The following GRM7 variants were observed in gnomAD, a reference collection of about 807,000 sequenced individuals.
GRM7 encodes the protein metabotropic glutamate receptor 7.
Under a neutral mutation model 84.5 loss-of-function variants are expected in GRM7, and 35 were observed. That is an observed-to-expected ratio of 0.41 (90% CI 0.32 to 0.55). The LOEUF is 0.55. Ranked by LOEUF, GRM7 falls within the 20% of genes least tolerant of loss-of-function variation. The probability of loss-of-function intolerance (pLI) is 0.19; values close to 1 mark genes in which losing one functional copy is unlikely to be tolerated. For synonymous variants in GRM7, 487 were observed against 455.1 expected (o/e 1.07, Z -0.89); for missense variants, 1,003 against 1,194.6 (o/e 0.84, Z 2.36).
intron 8 of GRM7, among the ~76,000 whole-genome samples, chr3:7,585,864 T>C (rs1695494030): frequency 6.6e-6 from 1 of 152,176 alleles, no homozygotes; most frequent in Admixed American, 6.5e-5. Flanking sequence ...GGTGTGCTGA[T>C]GGGCAGTCAG....
At chr3:7,297,040 C>CT (rs918511504) in intron 2 of GRM7, among the ~76,000 whole-genome samples, 17 of 151,460 alleles carry the variant, frequency 1.1e-4, no homozygotes, top group African/African-American at 2.9e-4. Flanking sequence ...GTGCTTTCTG[C>CT]TTTTTTTTGG....
At chr3:7,086,218 CT>C (rs759082771) in intron 1 of GRM7, among the ~76,000 whole-genome samples, 2 of 151,996 alleles carry the variant, frequency 1.3e-5, no homozygotes, top group Non-Finnish European at 2.9e-5. Context: ...TTTGAAGTTG[CT>C]TGCGTTTTGA....
At chr3:7,530,401 C>A (rs1700991092) in intron 7 of GRM7, among the ~76,000 whole-genome samples, 1 of 152,120 alleles carries the variant, frequency 6.6e-6, no homozygotes, top group African/African-American at 2.4e-5. Flanking sequence ...CTGCAATAAA[C>A]AAATGTGTGC....
At position 6,940,437 on chromosome 3, in the gene GRM7, T is replaced by G. The variant is rs575796107; in HGVS notation, c.519+78530T>G. 2.0e-5 allele frequency among the ~76,000 whole-genome samples: 3 copies of G among 152,258 alleles called. No homozygotes were observed. In the East Asian group the frequency reaches 5.8e-4, roughly 29 times the overall value. The stretch of plus-strand genomic sequence containing the variant: ...TTTGTTCTTACTCAACAAACATAAG[T>G]TTTTCTATCAGATCTTATGCTTTAA... On this transcript the variant is annotated intron_variant, in intron 1 of 9. Coordinates refer to ENST00000357716, the MANE Select transcript of GRM7 (RefSeq NM_000844.4).
intron 4 of GRM7, among the ~76,000 whole-genome samples, chr3:7,376,366 C>T (rs1694350642): frequency 6.6e-6 from 1 of 152,174 alleles, no homozygotes; most frequent in Non-Finnish European, 1.5e-5. Context: ...GAGCTGTTCT[C>T]CTCGTGAATG....
At chr3:7,577,667 G>A (rs1695031600) in intron 7 of GRM7, among the ~76,000 whole-genome samples, 1 of 152,110 alleles carries the variant, frequency 6.6e-6, no homozygotes, top group Non-Finnish European at 1.5e-5. Context: ...TCTTCTCTAG[G>A]ATAGTCTAAA....
rs926240441 is a variant in GRM7, at chr3:7,108,444, A to G, written c.520-38008A>G. Among the ~76,000 whole-genome samples the G allele has an allele frequency of 2.0e-5, 3 of 152,056 alleles. 1 individual carries two copies. The highest frequency in any genetic ancestry group is 2.0e-4 in the Admixed American group (3 of 15,248). ...AACCAGTGATCTTGTATTTCCTTAAAAGCAGGTGCTTGCTTCAACTGTGAC... is the reference window on the plus strand; with the variant it reads ...AACCAGTGATCTTGTATTTCCTTAAGAGCAGGTGCTTGCTTCAACTGTGAC... On this transcript the variant is annotated intron_variant, in intron 1 of 9. Coordinates refer to ENST00000357716, the MANE Select transcript of GRM7 (RefSeq NM_000844.4).
At chr3:7,256,503 C>T (rs1029641438) in intron 2 of GRM7, among the ~76,000 whole-genome samples, 1 of 152,146 alleles carries the variant, frequency 6.6e-6, no homozygotes, top group African/African-American at 2.4e-5. Flanking sequence ...ATCTGTGTGG[C>T]TTTCTGTTAT....
intron 1 of GRM7, among the ~76,000 whole-genome samples, chr3:7,144,455 A>G (rs1694045641): frequency 6.6e-6 from 1 of 152,218 alleles, no homozygotes; most frequent in Non-Finnish European, 1.5e-5. Flanking sequence ...TGAAAGGAAT[A>G]TGTAAAAACA....
At chr3:6,876,526 A>C (rs1270641468) in intron 1 of GRM7, among the ~76,000 whole-genome samples, 1 of 150,702 alleles carries the variant, frequency 6.6e-6, no homozygotes, top group African/African-American at 2.4e-5. Context: ...CTATATACTC[A>C]TGTTAAAATA....
Position 7,274,778 on chromosome 3 carries a change from C to T in GRM7, c.737-23906C>T, listed in dbSNP as rs551088748. On this transcript the variant is annotated intron_variant, in intron 2 of 9. Coordinates refer to ENST00000357716, the MANE Select transcript of GRM7 (RefSeq NM_000844.4). ...TGTTGTTGTTGTTGTTTTGTATTGT[C>T]ATTTTTTCTGGTTGGTGTTTAAGCT... Among the ~76,000 whole-genome samples, 7 of 151,988 alleles carry T rather than the reference C, an allele frequency of 4.6e-5. 1 individual carries two copies. The South Asian group carries it at 1.2e-3, about 27-fold the overall frequency.
At chr3:7,533,424 A>C (rs900458217) in intron 7 of GRM7, among the ~76,000 whole-genome samples, 2 of 152,202 alleles carry the variant, frequency 1.3e-5, no homozygotes, top group Admixed American at 6.5e-5. Flanking sequence ...TTAAGGCAGA[A>C]ATAAATAAGT....
At chr3:7,037,753 A>G (rs952614017) in intron 1 of GRM7, among the ~76,000 whole-genome samples, 1 of 152,210 alleles carries the variant, frequency 6.6e-6, no homozygotes, top group African/African-American at 2.4e-5. Context: ...CTCAAGAAAT[A>G]GAACCTGTTA....
At chr3:7,547,827 A>G (rs1054987616) in intron 7 of GRM7, among the ~76,000 whole-genome samples, 1 of 152,242 alleles carries the variant, frequency 6.6e-6, no homozygotes, top group Non-Finnish European at 1.5e-5. Context: ...CTAATCTATC[A>G]TCATAAGAAG....
intron 1 of GRM7, among the ~76,000 whole-genome samples, chr3:6,913,446 A>G (rs565735522): frequency 6.6e-6 from 1 of 152,306 alleles, no homozygotes; most frequent in African/African-American, 2.4e-5. Context: ...TAAAATTGTG[A>G]GGATGTGAAT....
At chr3:7,490,057 T>C (rs1403945311) in intron 7 of GRM7, among the ~76,000 whole-genome samples, 2 of 152,014 alleles carry the variant, frequency 1.3e-5, no homozygotes, top group African/African-American at 4.8e-5. Context: ...CTAAAAATTC[T>C]CGAACACTTA....
chr3:7,076,462 T>A (rs1698082406), intron 1 of GRM7, among the ~76,000 whole-genome samples: 1 of 152,174 alleles, frequency 6.6e-6, no homozygotes, highest in Non-Finnish European at 1.5e-5. Context: ...TTCCCCTGCT[T>A]TCCTGTCTCT....
At chr3:7,165,337 G>A (rs1403462931) in intron 2 of GRM7, among the ~76,000 whole-genome samples, 1 of 152,166 alleles carries the variant, frequency 6.6e-6, no homozygotes, top group Non-Finnish European at 1.5e-5. Context: ...CCCCTGGTGG[G>A]CTGTGTATGA....
intron 1 of GRM7, among the ~76,000 whole-genome samples, chr3:6,879,000 G>T (rs1207708344): frequency 6.6e-6 from 1 of 152,152 alleles, no homozygotes; most frequent in African/African-American, 2.4e-5. Flanking sequence ...CATGAAAGAT[G>T]AGTTTACAGA....
Sources: gnomAD v4.1 joint callset for allele counts (sites outside exome capture counted in the v4.1 genomes callset) on GRCh38, gnomAD v4.1.1 for gene constraint, MANE v1.5 for transcripts, NCBI Gene and HGNC (gene_info 2026-07-23, HGNC 2026-07-21) for gene names.